Variants in CSGALNACT1 observed in about 807,000 individuals in gnomAD.
The protein encoded by CSGALNACT1 is beta4GalNAcT-1.
Under a neutral mutation model 51.0 loss-of-function variants are expected in CSGALNACT1, and 52 were observed. That is an observed-to-expected ratio of 1.02 (90% CI 0.82 to 1.29). The LOEUF is 1.29. CSGALNACT1 is among the 50% of genes most tolerant of loss of function. The pLI is 0.00. For synonymous variants in CSGALNACT1, 341 were observed against 254.4 expected, an observed-to-expected ratio of 1.34 and a Z score of -3.24; for missense variants, 935 against 679.2, an observed-to-expected ratio of 1.38 and a Z score of -4.19.
rs140660830 is a variant in CSGALNACT1 at position 19,719,368 on chromosome 8, A to G, written c.-297+38482T>C. On this transcript the variant is annotated intron_variant, in intron 1 of 1. Coordinates refer to the CSGALNACT1 transcript ENST00000517494. ...GCGAGGTTGACAAGTGGATCTTCTTATGCCGATATTTGTCATTATCTAAGG... is the reference window on the plus strand; with the variant it reads ...GCGAGGTTGACAAGTGGATCTTCTTGTGCCGATATTTGTCATTATCTAAGG... Among the ~76,000 whole-genome samples the G allele has an allele frequency of 7.5e-3, 1,136 of 152,238 alleles. 7 individuals carry two copies. Among genetic ancestry groups the G allele is most frequent in the Middle Eastern group, 0.014 (4 of 294 alleles).
At chr8:19,610,913 C>T (rs1251558657) in intron 1 of CSGALNACT1, among the ~76,000 whole-genome samples, 1 of 152,342 alleles carries the variant, frequency 6.6e-6, no homozygotes, top group East Asian at 1.9e-4. Flanking sequence ...GTAGCACATG[C>T]CCACTGCGGC....
intron 1 of CSGALNACT1, among the ~76,000 whole-genome samples, chr8:19,701,767 A>T (rs974590673): frequency 2.0e-5 from 3 of 152,176 alleles, no homozygotes; most frequent in Non-Finnish European, 4.4e-5. Context: ...TAATTTACCC[A>T]AGATCTTGTG....
chr8:19,529,862 T>A (rs906534985), intron 3 of CSGALNACT1, among the ~76,000 whole-genome samples: 1 of 152,236 alleles, frequency 6.6e-6, no homozygotes, highest in African/African-American at 2.4e-5. Context: ...AATGTGATGC[T>A]ATGTAAATAG....
intron 1 of CSGALNACT1, among the ~76,000 whole-genome samples, chr8:19,650,603 A>G (rs548118077): frequency 6.6e-6 from 1 of 152,308 alleles, no homozygotes; most frequent in East Asian, 1.9e-4. Flanking sequence ...GGTTCCCAAG[A>G]CCATCAGGTG....
chr8:19,495,071 G>T (rs1417538907), intron 4 of CSGALNACT1: 1 of 152,180 alleles, frequency 6.6e-6, no homozygotes, highest in Non-Finnish European at 1.5e-5. Context: ...TGTCTCCACG[G>T]ATGTTGACTT....
intron 1 of CSGALNACT1, among the ~76,000 whole-genome samples, chr8:19,667,661 G>C (rs1274918185): frequency 6.6e-6 from 1 of 151,178 alleles, no homozygotes; most frequent in Non-Finnish European, 1.5e-5. Context: ...GAAACCCTAA[G>C]ACTAACGTCT....
chr8:19,637,626 T>C (rs2056244539), intron 1 of CSGALNACT1, among the ~76,000 whole-genome samples: 1 of 152,236 alleles, frequency 6.6e-6, no homozygotes, highest in Non-Finnish European at 1.5e-5. Flanking sequence ...TTAAGTCTAA[T>C]GCAGCACATC....
intron 3 of CSGALNACT1, among the ~76,000 whole-genome samples, chr8:19,533,172 G>C (rs970598690): frequency 7.2e-5 from 11 of 152,038 alleles, no homozygotes; most frequent in African/African-American, 2.7e-4. Flanking sequence ...GCTGGAGTGT[G>C]GTGACGATGT....
At chr8:19,548,147 A>C (rs1403372301) in intron 3 of CSGALNACT1, among the ~76,000 whole-genome samples, 2 of 152,256 alleles carry the variant, frequency 1.3e-5, no homozygotes, top group African/African-American at 4.8e-5. Context: ...GCCAAACACT[A>C]ATTATTAAAG....
chr8:19,612,997 A>T (rs2154153949), intron 1 of CSGALNACT1, among the ~76,000 whole-genome samples: 1 of 142,422 alleles, frequency 7.0e-6, no homozygotes, highest in African/African-American at 2.6e-5. Flanking sequence ...CTGACAGGGA[A>T]CTTGGTATCT....
At chr8:19,418,867 G>C in intron 7 of CSGALNACT1, 117 bp from the exon 7 acceptor site, 1 of 737,416 alleles carries the variant, frequency 1.4e-6, no homozygotes, top group South Asian at 1.5e-5. Context: ...TTTTTTCTTT[G>C]AGAGGCAGTC....
chr8:19,528,112 T>C (rs1336036815), intron 3 of CSGALNACT1, among the ~76,000 whole-genome samples: 2 of 152,142 alleles, frequency 1.3e-5, no homozygotes, highest in Non-Finnish European at 1.5e-5. Context: ...AGGCTCTGCC[T>C]GAGTAGGTTT....
At chr8:19,680,707 G>C (rs938352401) in intron 1 of CSGALNACT1, among the ~76,000 whole-genome samples, 3 of 152,072 alleles carry the variant, frequency 2.0e-5, no homozygotes, top group Non-Finnish European at 4.4e-5. Context: ...CCGAATGACT[G>C]TGATAGGTCT....
At chr8:19,598,928 G>A (rs570866814) in intron 2 of CSGALNACT1, among the ~76,000 whole-genome samples, 55 of 152,324 alleles carry the variant, frequency 3.6e-4, no homozygotes, top group African/African-American at 1.3e-3. Context: ...ATAAGAGCCA[G>A]GCACTGGTCC....
chr8:19,623,661 T>C (rs1369920674), intron 1 of CSGALNACT1, among the ~76,000 whole-genome samples: 1 of 152,226 alleles, frequency 6.6e-6, no homozygotes, highest in Non-Finnish European at 1.5e-5. Context: ...TCAGTAAAAT[T>C]GAGCCAGAAT....
intron 5 of CSGALNACT1, among the ~76,000 whole-genome samples, chr8:19,454,316 A>G (rs1438021395): frequency 6.6e-6 from 1 of 152,254 alleles, no homozygotes; most frequent in East Asian, 1.9e-4. Context: ...ACTTAAATCC[A>G]GAACTGCAGA....
chr8:19,593,031 A>T (rs998712121), intron 2 of CSGALNACT1, among the ~76,000 whole-genome samples: 2 of 152,250 alleles, frequency 1.3e-5, no homozygotes, highest in Non-Finnish European at 2.9e-5. Flanking sequence ...GTCAAAGAAC[A>T]TCTGTAATTT....
At chr8:19,731,219 G>A (rs182634112) in intron 1 of CSGALNACT1, among the ~76,000 whole-genome samples, 5 of 152,172 alleles carry the variant, frequency 3.3e-5, no homozygotes, top group African/African-American at 1.2e-4. Flanking sequence ...ATAAAAATAA[G>A]CTCCTTGGCC....
intron 1 of CSGALNACT1, among the ~76,000 whole-genome samples, chr8:19,634,809 C>T (rs2055799091): frequency 6.6e-6 from 1 of 152,222 alleles, no homozygotes; most frequent in African/African-American, 2.4e-5. Context: ...GGACTTCCAG[C>T]CTCTAGACCT....
Sources: gnomAD v4.1 joint callset for allele counts (sites outside exome capture counted in the v4.1 genomes callset) on GRCh38, gnomAD v4.1.1 for gene constraint, MANE v1.5 for transcripts, NCBI Gene and HGNC (gene_info 2026-07-23, HGNC 2026-07-21) for gene names.